BIRC6: variants seen among roughly 807,000 people sequenced by gnomAD.
The protein encoded by BIRC6 is dual E2 ubiquitin-conjugating enzyme/E3 ubiquitin-protein ligase BIRC6.
BIRC6 carries 98 observed loss-of-function variants against 503.3 expected under a neutral mutation model. That is an observed-to-expected ratio of 0.19 (90% CI 0.17 to 0.23). The LOEUF is 0.23. Ranked by LOEUF, BIRC6 falls within the 10% of genes least tolerant of loss-of-function variation. The probability of loss-of-function intolerance (pLI) is 1.00; values close to 1 mark genes in which losing one functional copy is unlikely to be tolerated. For synonymous variants in BIRC6, 2,240 were observed against 2,078.7 expected (o/e 1.08, Z -2.11); for missense variants, 5,360 against 5,806.0 (o/e 0.92, Z 2.50).
chr2:32,422,360 C>A (rs1284616802), intron 10 of BIRC6, among the ~76,000 whole-genome samples: 1 of 152,014 alleles, frequency 6.6e-6, no homozygotes, highest in Admixed American at 6.6e-5. Flanking sequence ...TCCTTCACTG[C>A]ATTCTTTTGT....
chr2:32,468,495 C>A lies in BIRC6; in HGVS notation c.5839C>A (p.Leu1947Ile). 6.2e-7 allele frequency: 1 copy of A among 1,613,444 alleles called. No homozygotes were observed. Among genetic ancestry groups the A allele is most frequent in the Non-Finnish European group, 8.5e-7 (1 of 1,179,592 alleles). The change falls in exon 29 of 74, where the codon CTA becomes ATA. Residue 1947 changes from leucine to isoleucine, a missense_variant. Leu to Ile is a conservative substitution (Grantham distance 5). Coordinates refer to ENST00000421745, the MANE Select transcript of BIRC6 (RefSeq NM_016252.4). ...TLLQSIDLPP[L>I]NSANNAQYFL... is the part of the protein sequence containing the mutation. ...TTTGCAAAGTATTGATCTTCCTCCT[C>A]TAAACAGTGCTAACAATGCACAGTA...
Position 32,578,141 on chromosome 2 carries a change from T to TA in BIRC6, c.13355+2776dup, listed in dbSNP as rs752699153. On this transcript the variant is annotated intron_variant, in intron 66 of 73. Coordinates refer to ENST00000421745, the MANE Select transcript of BIRC6 (RefSeq NM_016252.4). ...CGGCACCGGTAAAGACTAATAATGT[T>TA]ACTACATCTCTACTTTCAAGGTTTA... Among the ~76,000 whole-genome samples, 387 of 152,338 alleles carry TA rather than the reference T, an allele frequency of 2.5e-3. 2 individuals are homozygous for TA. The highest frequency in any genetic ancestry group is 3.5e-3 in the Non-Finnish European group (235 of 68,026).
intron 66 of BIRC6, among the ~76,000 whole-genome samples, chr2:32,593,475 A>G (rs2061502427): frequency 6.6e-6 from 1 of 152,138 alleles, no homozygotes; most frequent in African/African-American, 2.4e-5. Flanking sequence ...GTATTAAGAC[A>G]CCCAGTAATG....
At chr2:32,427,538 C>T (rs976151852) in intron 10 of BIRC6, among the ~76,000 whole-genome samples, 1 of 152,054 alleles carries the variant, frequency 6.6e-6, no homozygotes, top group East Asian at 1.9e-4. Context: ...CGCCCGCCTC[C>T]GTCTCCCAAG....
chr2:32,548,048 T>C (rs1572941152), intron 64 of BIRC6, 34 bp downstream of exon 64: 8 of 1,518,188 alleles, frequency 5.3e-6, no homozygotes, highest in African/African-American at 2.8e-5. Flanking sequence ...TTCATGATAA[T>C]GGCTTTTTTT....
At chr2:32,395,013 G>A (rs919410943) in intron 5 of BIRC6, among the ~76,000 whole-genome samples, 7 of 152,048 alleles carry the variant, frequency 4.6e-5, no homozygotes, top group South Asian at 2.1e-4. Context: ...TTAGCTGGGC[G>A]TGGTGGCAGG....
chr2:32,386,187 C>T (rs2038431171), intron 3 of BIRC6, among the ~76,000 whole-genome samples: 1 of 152,026 alleles, frequency 6.6e-6, no homozygotes, highest in African/African-American at 2.4e-5. Context: ...TTGTTCCTGC[C>T]AGGTAAAAGT....
At position 32,518,936 on chromosome 2, in the gene BIRC6, C is replaced by T. The variant is rs1312814647; in HGVS notation, c.11613C>T (p.Asp3871=). The T allele has an allele frequency of 2.5e-6, 4 of 1,613,492 alleles. No individual in the cohort carries two copies. The highest frequency in any genetic ancestry group is 1.7e-6 in the Non-Finnish European group (2 of 1,179,610). ...CAACAACATTATCAGATGTTCTTGA[C>T]AGAGTGTCAGGCAAGTCAGATTTAA... ...PVSTTLSDVL[D]RVSDTPSITA... The change falls in exon 57 of 74, where the codon GAC becomes GAT. Residue 3871 remains aspartate (D), a synonymous_variant. Coordinates refer to ENST00000421745, the MANE Select transcript of BIRC6 (RefSeq NM_016252.4).
chr2:32,553,276 T>C (rs1308367731), intron 65 of BIRC6, among the ~76,000 whole-genome samples: 1 of 16,530 alleles, frequency 6.0e-5, no homozygotes, highest in African/African-American at 2.4e-4. Context: ...TTACTGTTTC[T>C]AGCAAAAGAT....
rs139810529 is a variant in BIRC6, at chr2:32,497,635, G to T, written c.8469-1912G>T. Among the ~76,000 whole-genome samples, 3 of 152,194 alleles carry T rather than the reference G, an allele frequency of 2.0e-5. No homozygotes were observed. In the East Asian group the frequency reaches 5.8e-4, roughly 29 times the overall value. On this transcript the variant is annotated intron_variant, in intron 45 of 73. Transcript: ENST00000421745. ...TTGTTGTATTTGTTAGTGGAAATAT[G>T]TATATGTATTAATGTTTATAGGATC...
chr2:32,524,974 G>A lies in BIRC6; in HGVS notation c.11710G>A (p.Ala3904Thr). 6.4e-7 allele frequency: 1 copy of A among 1,566,984 alleles called. No individual in the cohort carries two copies. The highest frequency in any genetic ancestry group is 8.6e-7 in the Non-Finnish European group (1 of 1,158,080). ...CCATGAAGAGAAAGAAAAAGTTAAA[G>A]CGGAAAATGGATTTCAAGACAATTA... ...KNHEEKEKVK[A>T]ENGFQDNYSV... Residue 3904 changes from alanine (A) to threonine (T), a missense_variant, in exon 58 of 74, where the codon GCG (alanine) becomes ACG (threonine). Coordinates refer to ENST00000421745, the MANE Select transcript of BIRC6 (RefSeq NM_016252.4).
At chr2:32,399,378 G>A (rs1038284210) in intron 6 of BIRC6, among the ~76,000 whole-genome samples, 4 of 152,112 alleles carry the variant, frequency 2.6e-5, no homozygotes, top group East Asian at 1.9e-4. Flanking sequence ...GAGCCACCAC[G>A]CCCAGCCTAT....
chr2:32,431,147 A>G (rs2044050954), intron 12 of BIRC6, 57 bp downstream of exon 12: 1 of 952,714 alleles, frequency 1.0e-6, no homozygotes, highest in African/African-American at 1.7e-5. Flanking sequence ...TTTGTCAGAG[A>G]CAACGTAGAA....
intron 72 of BIRC6, among the ~76,000 whole-genome samples, chr2:32,609,550 A>G (rs996430181): frequency 6.6e-6 from 1 of 152,146 alleles, no homozygotes; most frequent in Non-Finnish European, 1.5e-5. Flanking sequence ...TAATATAACT[A>G]TGCAGATGTT....
At chr2:32,586,873 A>G (rs1000719324) in intron 66 of BIRC6, among the ~76,000 whole-genome samples, 12 of 152,148 alleles carry the variant, frequency 7.9e-5, no homozygotes, top group Non-Finnish European at 1.8e-4. Flanking sequence ...CCTTTTTATA[A>G]ATGAGAAAAA....
intron 32 of BIRC6, among the ~76,000 whole-genome samples, chr2:32,472,117 A>G (rs1323570446): frequency 6.6e-6 from 1 of 152,264 alleles, no homozygotes; most frequent in East Asian, 1.9e-4. Flanking sequence ...CCCAGGTTGA[A>G]GTGCAGTGGC....
intron 1 of BIRC6, among the ~76,000 whole-genome samples, chr2:32,375,502 CCCCAAAAAACT>C (rs961644077): frequency 6.7e-4 from 102 of 151,924 alleles, no homozygotes; most frequent in African/African-American, 2.4e-3. Context: ...CAAAAAAAAC[CCCCAAAAAACT>C]CCAGACCTTG....
intron 9 of BIRC6, among the ~76,000 whole-genome samples, chr2:32,410,950 T>C (rs750325486): frequency 2.6e-5 from 4 of 152,176 alleles, no homozygotes; most frequent in Admixed American, 1.3e-4. Context: ...TCCACCCTCC[T>C]CGGCCTCCCA....
At chr2:32,429,689 GT>G (rs1222111745) in intron 11 of BIRC6, among the ~76,000 whole-genome samples, 1 of 152,052 alleles carries the variant, frequency 6.6e-6, no homozygotes, top group Non-Finnish European at 1.5e-5. Context: ...TTTGTTTGTT[GT>G]TTTTGCCTTT....
Sources: gnomAD v4.1 joint callset for allele counts (sites outside exome capture counted in the v4.1 genomes callset) on GRCh38, gnomAD v4.1.1 for gene constraint, MANE v1.5 for transcripts, NCBI Gene and HGNC (gene_info 2026-07-23, HGNC 2026-07-21) for gene names.